Variants in PLCL1 observed in about 807,000 individuals in gnomAD.
PLCL1 encodes phospholipase C like 1 (inactive).
Under a neutral mutation model 84.4 loss-of-function variants are expected in PLCL1, and 41 were observed. The observed-to-expected ratio is 0.49, with a 90% confidence interval of 0.38 to 0.63. The LOEUF is 0.63. Among genes scored for constraint, PLCL1 ranks in the 30% least tolerant of loss-of-function variants. PLCL1 has a pLI of 0.00. For missense variants in PLCL1, 1,206 were observed against 1,367.8 expected (o/e 0.88, Z 1.87); for synonymous variants, 490 against 488.3 (o/e 1.00, Z -0.05).
rs758988473 is a variant in PLCL1, at chr2:198,084,114, G to A, written c.597G>A (p.Glu199=). The A allele has an allele frequency of 1.9e-6, 3 of 1,614,144 alleles. No homozygotes were observed. Among genetic ancestry groups the A allele is most frequent in the Non-Finnish European group, 2.5e-6 (3 of 1,179,990 alleles). The change falls in exon 2 of 6, where the codon GAG becomes GAA. Residue 199 remains glutamate (E), a synonymous_variant. Transcript: ENST00000428675. ...AFSILHGENY[E]SLDLVANSAD... Reference sequence around the variant, plus strand: ...CCATACTCCACGGGGAAAACTATGAGTCTCTGGACCTAGTTGCCAATTCAG... The same window carrying A: ...CCATACTCCACGGGGAAAACTATGAATCTCTGGACCTAGTTGCCAATTCAG...
At chr2:198,130,003 T>A (rs1020356357) in intron 5 of PLCL1, among the ~76,000 whole-genome samples, 14 of 152,230 alleles carry the variant, frequency 9.2e-5, no homozygotes, top group African/African-American at 2.6e-4. Flanking sequence ...TTATTTTTTT[T>A]AATTTTTTTG....
chr2:197,989,073 T>C (rs1475076295), intron 1 of PLCL1, among the ~76,000 whole-genome samples: 1 of 152,164 alleles, frequency 6.6e-6, no homozygotes, highest in Non-Finnish European at 1.5e-5. Flanking sequence ...TAATAAACAA[T>C]GAAGAGTAGA....
intron 1 of PLCL1, among the ~76,000 whole-genome samples, chr2:197,958,667 A>G (rs1689541092): frequency 6.6e-6 from 1 of 152,052 alleles, no homozygotes; most frequent in African/African-American, 2.4e-5. Context: ...ATGCCAGAAC[A>G]CTCATAGCAG....
rs193123713 is a variant in PLCL1, at chr2:198,103,476, A to C, written c.2996-351A>C. 3.5e-3 allele frequency among the ~76,000 whole-genome samples: 535 copies of C among 152,186 alleles called. 8 individuals are homozygous for C. The highest frequency in any genetic ancestry group is 0.012 in the African/African-American group (503 of 41,528). ...TTTAGTTACTTTTAAATGTACAATT[A>C]ACTTATTATTGATTATAGTCATCTT... is the stretch of plus-strand genomic sequence containing the variant. On this transcript the variant is annotated intron_variant, in intron 4 of 5. Transcript: ENST00000428675.
intron 1 of PLCL1, among the ~76,000 whole-genome samples, chr2:197,957,120 C>G (rs1250443398): frequency 6.6e-6 from 1 of 151,986 alleles, no homozygotes; most frequent in Non-Finnish European, 1.5e-5. Flanking sequence ...CTATTCAGGC[C>G]TTTTTAAAAG....
At chr2:198,006,683 T>C (rs1690736572) in intron 1 of PLCL1, among the ~76,000 whole-genome samples, 1 of 152,230 alleles carries the variant, frequency 6.6e-6, no homozygotes, top group Non-Finnish European at 1.5e-5. Context: ...TGCTGATATA[T>C]AGCCAAGATT....
At chr2:198,091,829 G>A (rs889871689) in intron 3 of PLCL1, among the ~76,000 whole-genome samples, 77 of 151,962 alleles carry the variant, frequency 5.1e-4, no homozygotes, top group South Asian at 1.7e-3. Context: ...AAAATAAAAC[G>A]GAAACTCCTG....
At chr2:197,859,231 C>T (rs1687385680) in intron 1 of PLCL1, among the ~76,000 whole-genome samples, 1 of 152,078 alleles carries the variant, frequency 6.6e-6, no homozygotes. Context: ...TCTTCCTCTT[C>T]CTACCTTGCT....
chr2:197,977,588 G>T (rs1341242996), intron 1 of PLCL1, among the ~76,000 whole-genome samples: 1 of 151,616 alleles, frequency 6.6e-6, no homozygotes, highest in Non-Finnish European at 1.5e-5. Flanking sequence ...TGTTCCTATT[G>T]CCCCTACCCT....
At chr2:198,051,016 C>T (rs975332789) in intron 1 of PLCL1, among the ~76,000 whole-genome samples, 6 of 152,148 alleles carry the variant, frequency 3.9e-5, no homozygotes, top group African/African-American at 1.4e-4. Flanking sequence ...ACAACGACAA[C>T]GTAAAGAATG....
At chr2:198,081,277 A>T (rs1368389041) in intron 1 of PLCL1, among the ~76,000 whole-genome samples, 1 of 152,230 alleles carries the variant, frequency 6.6e-6, no homozygotes, top group Non-Finnish European at 1.5e-5. Context: ...AGCTCTCATT[A>T]GCTTAAAAGG....
At chr2:198,039,731 G>A (rs182992695) in intron 1 of PLCL1, among the ~76,000 whole-genome samples, 1 of 152,252 alleles carries the variant, frequency 6.6e-6, no homozygotes, top group African/African-American at 2.4e-5. Context: ...AGGAAGAGTA[G>A]CCATTTAAGT....
intron 1 of PLCL1, among the ~76,000 whole-genome samples, chr2:198,000,128 T>C (rs1690566479): frequency 6.6e-6 from 1 of 152,154 alleles, no homozygotes; most frequent in Non-Finnish European, 1.5e-5. Flanking sequence ...ATAGTGTATC[T>C]TAAATTACCT....
chr2:198,083,245 G>T (rs1692766155), intron 1 of PLCL1, among the ~76,000 whole-genome samples: 1 of 152,130 alleles, frequency 6.6e-6, no homozygotes, highest in Non-Finnish European at 1.5e-5. Flanking sequence ...AAGACACCTT[G>T]AAATAGCTTC....
chr2:197,851,490 A>G (rs1347568163), intron 1 of PLCL1, among the ~76,000 whole-genome samples: 1 of 152,230 alleles, frequency 6.6e-6, no homozygotes, highest in Non-Finnish European at 1.5e-5. Flanking sequence ...AGTGGTCTTT[A>G]TTTGAAGAAG....
chr2:197,982,514 A>G (rs1485787112), intron 1 of PLCL1, among the ~76,000 whole-genome samples: 1 of 152,168 alleles, frequency 6.6e-6, no homozygotes, highest in Non-Finnish European at 1.5e-5. Context: ...TTCACTTGGT[A>G]CTAGATCAGC....
chr2:197,934,286 C>T (rs566338394), intron 1 of PLCL1, among the ~76,000 whole-genome samples: 1 of 152,228 alleles, frequency 6.6e-6, no homozygotes, highest in Non-Finnish European at 1.5e-5. Context: ...GTAGTGTGAG[C>T]TGGGGATGAT....
At chr2:197,838,344 T>G (rs956909897) in intron 1 of PLCL1, among the ~76,000 whole-genome samples, 9 of 152,226 alleles carry the variant, frequency 5.9e-5, no homozygotes, top group African/African-American at 2.2e-4. Context: ...GAAAAACACT[T>G]AACCAACTAA....
rs1205673795 is a variant in PLCL1, at chr2:198,088,982, T to C, written c.2840T>C (p.Met947Thr). ...AATACTCCTTCAGTCTCACTTGTGA[T>C]GAAAGACAGCTTTCCTTACCTGGAG... is the stretch of plus-strand genomic sequence containing the variant. Reference protein sequence around the residue: ...SDNTPSVSLVMKDSFPYLEPL... With the variant: ...SDNTPSVSLVTKDSFPYLEPL... Residue 947 changes from methionine (M) to threonine (T), a missense_variant, in exon 3 of 6, where the codon ATG (methionine) becomes ACG (threonine). Met to Thr is a moderately conservative substitution (Grantham distance 81). Coordinates refer to ENST00000428675, the MANE Select transcript of PLCL1 (RefSeq NM_006226.4). 15 of 1,613,804 alleles carry C rather than the reference T, an allele frequency of 9.3e-6. No homozygotes were observed. The highest frequency in any genetic ancestry group is 1.3e-5 in the Non-Finnish European group (15 of 1,179,776).
Sources: gnomAD v4.1 joint callset for allele counts (sites outside exome capture counted in the v4.1 genomes callset) on GRCh38, gnomAD v4.1.1 for gene constraint, MANE v1.5 for transcripts, NCBI Gene and HGNC (gene_info 2026-07-23, HGNC 2026-07-21) for gene names.